Variants in GARRE1 observed in about 807,000 individuals in gnomAD.
The protein encoded by GARRE1 is granule associated Rac and RHOG effector 1, also known as granule associated Rac and RHOG effector protein 1.
GARRE1 carries 49 observed loss-of-function variants against 103.2 expected under a neutral mutation model. That is an observed-to-expected ratio of 0.47 (90% CI 0.38 to 0.60). The LOEUF (loss-of-function observed/expected upper bound fraction) is 0.60. Ranked by LOEUF, GARRE1 falls within the 20% of genes least tolerant of loss-of-function variation. The pLI, the probability that GARRE1 is intolerant of heterozygous loss-of-function variation, is 0.00. For missense variants in GARRE1, 1,199 were observed against 1,370.5 expected, an observed-to-expected ratio of 0.87 and a Z score of 1.98; for synonymous variants, 505 against 532.8, an observed-to-expected ratio of 0.95 and a Z score of 0.72.
At chr19:34,301,684 A>ATT (rs766284048) in intron 2 of GARRE1, among the ~76,000 whole-genome samples, 7 of 140,192 alleles carry the variant, frequency 5.0e-5, no homozygotes, top group African/African-American at 7.8e-5. Flanking sequence ...TTATTTGTGG[A>ATT]TTTTTTTTTT....
intron 2 of GARRE1, among the ~76,000 whole-genome samples, chr19:34,302,153 G>A (rs2073982996): frequency 6.6e-6 from 1 of 150,958 alleles, no homozygotes; most frequent in African/African-American, 2.4e-5. Flanking sequence ...ACCATGCCCG[G>A]CTAATTTTGT....
At chr19:34,289,722 C>CAAAAAAAAAAAAAAAAAAAAAAAAAA (rs35728238) in intron 1 of GARRE1, among the ~76,000 whole-genome samples, 1 of 142,000 alleles carries the variant, frequency 7.0e-6, no homozygotes, top group Non-Finnish European at 1.6e-5. Flanking sequence ...GACTCTGTCT[C>CAAAAAAAAAAAAAAAAAAAAAAAAAA]AAAAAAAAAA....
chr19:34,341,554 A>G lies in GARRE1; in HGVS notation c.1620A>G (p.Thr540=), dbSNP rs1446769010. The stretch of plus-strand genomic sequence containing the variant: ...TGCAGAAGACATTCTCCAAACTGAC[A>G]TCCCGGTTCACCAAGAAAGCTTCAT... ...GGLQKTFSKL[T]SRFTKKASCT... Residue 540 remains threonine (T), a synonymous_variant, in exon 10 of 14, where the codon ACA becomes ACG. Transcript: ENST00000299505. 4.3e-6 allele frequency: 7 copies of G among 1,614,178 alleles called. No individual in the cohort carries two copies. In the South Asian group the frequency reaches 7.7e-5, roughly 18 times the overall value.
At chr19:34,262,539 G>A (rs2073725493) in intron 1 of GARRE1, among the ~76,000 whole-genome samples, 1 of 151,544 alleles carries the variant, frequency 6.6e-6, no homozygotes, top group Non-Finnish European at 1.5e-5. Context: ...CAGGTGATCC[G>A]CCTGCCTTGG....
intron 8 of GARRE1, among the ~76,000 whole-genome samples, chr19:34,338,197 A>G (rs905239648): frequency 2.0e-5 from 3 of 152,168 alleles, no homozygotes; most frequent in African/African-American, 7.2e-5. Context: ...GGCAGACATC[A>G]TCTTCCTAGT....
At position 34,341,932 on chromosome 19, in the gene GARRE1, G is replaced by A. The variant is rs144304483; in HGVS notation, c.1998G>A (p.Pro666=). ...TGGGCCAGTCACATCAGGGCTCTCC[G>A]TTGGTGACAAGGCATAATTCTGCTG... is the stretch of plus-strand genomic sequence containing the variant. ...FNMGQSHQGS[P]LVTRHNSAAT... The change falls in exon 10 of 14, where the codon CCG becomes CCA. Residue 666 remains proline (P), a synonymous_variant. Coordinates refer to ENST00000299505, the MANE Select transcript of GARRE1 (RefSeq NM_014686.5). 190 of 1,614,160 alleles carry A rather than the reference G, an allele frequency of 1.2e-4. No individual in the cohort carries two copies. In the East Asian group the frequency reaches 2.1e-3, roughly 17 times the overall value.
chr19:34,327,284 A>G, intron 3 of GARRE1, 137 bp from the exon 4 acceptor site: 5 of 770,510 alleles, frequency 6.5e-6, no homozygotes, highest in Non-Finnish European at 8.1e-6. Flanking sequence ...ACAATCTAGA[A>G]CTTCTAGTTT....
At chr19:34,345,410 G>A (rs2074206424) in intron 10 of GARRE1, among the ~76,000 whole-genome samples, 1 of 152,260 alleles carries the variant, frequency 6.6e-6, no homozygotes, top group Non-Finnish European at 1.5e-5. Flanking sequence ...AAGCCCACTG[G>A]CTGCCACCCA....
chr19:34,275,059 A>G (rs1222788146), intron 1 of GARRE1, among the ~76,000 whole-genome samples: 1 of 152,170 alleles, frequency 6.6e-6, no homozygotes, highest in Non-Finnish European at 1.5e-5. Flanking sequence ...TTCATAGACA[A>G]TAACTTCACT....
chr19:34,342,727 T>TC (rs2074192770), intron 10 of GARRE1, among the ~76,000 whole-genome samples: 1 of 152,078 alleles, frequency 6.6e-6, no homozygotes, highest in African/African-American at 2.4e-5. Context: ...CAGCTCAAAG[T>TC]CCCATAGTTC....
intron 2 of GARRE1, among the ~76,000 whole-genome samples, chr19:34,317,232 C>T (rs1463882428): frequency 6.6e-6 from 1 of 152,272 alleles, no homozygotes; most frequent in East Asian, 1.9e-4. Flanking sequence ...TGTTGTCTTC[C>T]CCATTAGAAT....
chr19:34,294,245 C>T (rs923895505), intron 1 of GARRE1, among the ~76,000 whole-genome samples: 37 of 150,670 alleles, frequency 2.5e-4, no homozygotes, highest in Admixed American at 3.3e-4. Flanking sequence ...CATAGTGAGA[C>T]CCTGTCTCTA....
intron 8 of GARRE1, among the ~76,000 whole-genome samples, chr19:34,336,859 G>T (rs1021866907): frequency 1.3e-5 from 2 of 152,130 alleles, no homozygotes; most frequent in African/African-American, 4.8e-5. Context: ...TGAACTTTTG[G>T]ATAGTTGGGT....
In GARRE1 at chr19:34,353,915, GTCTTT is replaced by G. The variant is rs1219572400; in HGVS notation, c.*965_*969del. ...AGATGTAGATAGAAATTAATTTAAGGTCTTTTCTTAAAAAAAAAATCCACCTCATT... is the reference window on the plus strand; with the variant it reads ...AGATGTAGATAGAAATTAATTTAAGGTCTTAAAAAAAAAATCCACCTCATT... On this transcript the variant is annotated 3_prime_UTR_variant, in exon 14 of 14. Transcript: ENST00000299505. The G allele has an allele frequency of 6.6e-6, 1 of 152,356 alleles. No individual in the cohort carries two copies. The highest frequency in any genetic ancestry group is 1.5e-5 in the Non-Finnish European group (1 of 67,990). The allele number at this position is 152,356 out of a possible 1,614,324, so 9.4% of individuals were successfully genotyped here. A position where few individuals can be genotyped will look rare whatever the true frequency, so the allele number is the denominator to read the frequency against.
chr19:34,268,500 G>C (rs1223582743), intron 1 of GARRE1, among the ~76,000 whole-genome samples: 1 of 152,092 alleles, frequency 6.6e-6, no homozygotes, highest in Non-Finnish European at 1.5e-5. Flanking sequence ...ATGGCAGCAG[G>C]TTTTGAGAGT....
At chr19:34,336,197 G>A (rs902205493) in intron 8 of GARRE1, among the ~76,000 whole-genome samples, 28 of 151,816 alleles carry the variant, frequency 1.8e-4, no homozygotes, top group African/African-American at 6.5e-4. Flanking sequence ...CACTATATTA[G>A]CCAGGATGGT....
At chr19:34,306,057 C>T (rs1251296074) in intron 2 of GARRE1, among the ~76,000 whole-genome samples, 1 of 152,216 alleles carries the variant, frequency 6.6e-6, no homozygotes, top group Non-Finnish European at 1.5e-5. Flanking sequence ...AATTTATGTA[C>T]TGCCAGGGGA....
intron 8 of GARRE1, among the ~76,000 whole-genome samples, chr19:34,338,361 C>T (rs1328906957): frequency 2.6e-5 from 4 of 152,108 alleles, no homozygotes; most frequent in South Asian, 2.1e-4. Context: ...CATAGCGAGA[C>T]CCCATCTCTA....
chr19:34,348,215 T>C lies in GARRE1; in HGVS notation c.2687+173T>C, dbSNP rs1307534487. The stretch of plus-strand genomic sequence containing the variant: ...TCTTTAGGGGTCAGAGTCATGTGGC[T>C]GACTGTTAGATGCCAAGTAGTGTGA... On this transcript the variant is annotated intron_variant, in intron 11 of 13. Coordinates refer to ENST00000299505, the MANE Select transcript of GARRE1 (RefSeq NM_014686.5). 3 of 472,164 alleles carry C rather than the reference T, an allele frequency of 6.4e-6. No individual in the cohort carries two copies. The East Asian group carries it at 1.1e-4, about 17-fold the overall frequency. The allele number at this position is 472,164 out of a possible 1,614,324, so 29.2% of individuals were successfully genotyped here.
Sources: gnomAD v4.1 joint callset for allele counts (sites outside exome capture counted in the v4.1 genomes callset) on GRCh38, gnomAD v4.1.1 for gene constraint, MANE v1.5 for transcripts, NCBI Gene and HGNC (gene_info 2026-07-23, HGNC 2026-07-21) for gene names.